KDM4C: variants seen among roughly 807,000 people sequenced by gnomAD.
The protein encoded by KDM4C is lysine-specific demethylase 4C.
In KDM4C, 81 loss-of-function variants were observed where a neutral mutation model predicts 129.3. The observed-to-expected ratio is 0.63, with a 90% confidence interval of 0.52 to 0.75. The LOEUF is 0.75. Among genes scored for constraint, KDM4C ranks in the 30% least tolerant of loss-of-function variants. The pLI is 0.00. For missense variants in KDM4C, 1,457 were observed against 1,304.0 expected, an observed-to-expected ratio of 1.12 and a Z score of -1.81; for synonymous variants, 573 against 456.1, an observed-to-expected ratio of 1.26 and a Z score of -3.26.
At chr9:6,913,721 C>G (rs1006872443) in intron 8 of KDM4C, among the ~76,000 whole-genome samples, 1 of 152,166 alleles carries the variant, frequency 6.6e-6, no homozygotes, top group African/African-American at 2.4e-5. Flanking sequence ...AGTTTCTACT[C>G]TATTATGATA....
At chr9:7,040,183 A>G (rs1473446938) in intron 15 of KDM4C, among the ~76,000 whole-genome samples, 1 of 152,026 alleles carries the variant, frequency 6.6e-6, no homozygotes, top group African/African-American at 2.4e-5. Context: ...CTTCCCTTTG[A>G]TTTGTGGTCT....
rs185238899 is a variant in KDM4C, at chr9:6,793,459, A to C, written c.144+327A>C. 3.8e-3 allele frequency among the ~76,000 whole-genome samples: 570 copies of C among 151,990 alleles called. 6 individuals are homozygous for C. The highest frequency in any genetic ancestry group is 0.013 in the African/African-American group (536 of 41,524). ...AGTTTTTGTCAGTTTTTTTGTAGAC[A>C]ACAATTATTAACCTGAAGGTTAACC... On this transcript the variant is annotated intron_variant, in intron 2 of 21. Transcript: ENST00000381309.
At chr9:7,065,951 T>G (rs950960256) in intron 17 of KDM4C, among the ~76,000 whole-genome samples, 2 of 151,526 alleles carry the variant, frequency 1.3e-5, no homozygotes, top group Non-Finnish European at 2.9e-5. Flanking sequence ...CAGTTCTATA[T>G]TTGACACCTG....
intron 8 of KDM4C, among the ~76,000 whole-genome samples, chr9:6,918,768 A>AGC (rs1820792288): frequency 6.6e-6 from 1 of 151,992 alleles, no homozygotes; most frequent in African/African-American, 2.4e-5. Flanking sequence ...TTCTCTAATG[A>AGC]TTAGTGATGT....
At chr9:7,155,933 T>C (rs1233509457) in intron 19 of KDM4C, among the ~76,000 whole-genome samples, 4 of 152,222 alleles carry the variant, frequency 2.6e-5, no homozygotes, top group African/African-American at 9.6e-5. Context: ...GCAATCGCCA[T>C]ACTGTCTTCC....
intron 4 of KDM4C, among the ~76,000 whole-genome samples, chr9:6,826,551 C>A (rs565525816): frequency 6.8e-4 from 104 of 152,214 alleles, no homozygotes; most frequent in African/African-American, 2.4e-3. Context: ...GATAGATGTT[C>A]TTCAACAAGA....
chr9:6,939,202 A>G (rs1467765213), intron 8 of KDM4C, among the ~76,000 whole-genome samples: 1 of 151,872 alleles, frequency 6.6e-6, no homozygotes, highest in Non-Finnish European at 1.5e-5. Context: ...TTACTGCCTG[A>G]GCTCCACCTC....
chr9:7,108,096 G>A (rs1837902989), intron 18 of KDM4C, among the ~76,000 whole-genome samples: 1 of 152,118 alleles, frequency 6.6e-6, no homozygotes, highest in African/African-American at 2.4e-5. Flanking sequence ...TGGGTAGGGT[G>A]GCTTCTGTTT....
chr9:7,002,804 C>T (rs548938291), intron 12 of KDM4C, among the ~76,000 whole-genome samples: 4 of 152,320 alleles, frequency 2.6e-5, no homozygotes, highest in African/African-American at 4.8e-5. Context: ...GATCACAAAG[C>T]TAGTAAGTGG....
Position 7,166,834 on chromosome 9 carries a change from A to G in KDM4C, c.2901+1477A>G, listed in dbSNP as rs562189941. Among the ~76,000 whole-genome samples, 7 of 152,322 alleles carry G rather than the reference A, an allele frequency of 4.6e-5. No homozygotes were observed. In the South Asian group the frequency reaches 1.5e-3, roughly 32 times the overall value. ...TATGATGGTCTATCAACATAAAACTATGAGCATATTTATAGACTCAATGAA... is the reference window on the plus strand; with the variant it reads ...TATGATGGTCTATCAACATAAAACTGTGAGCATATTTATAGACTCAATGAA... On this transcript the variant is annotated intron_variant, in intron 20 of 21. Coordinates refer to ENST00000381309, the MANE Select transcript of KDM4C (RefSeq NM_015061.6).
intron 8 of KDM4C, among the ~76,000 whole-genome samples, chr9:6,946,524 A>G (rs192566834): frequency 6.6e-6 from 1 of 152,168 alleles, no homozygotes; most frequent in East Asian, 1.9e-4. Flanking sequence ...TTTGTATGCC[A>G]TGCAGATTTT....
intron 17 of KDM4C, among the ~76,000 whole-genome samples, chr9:7,072,535 T>G (rs909033902): frequency 2.9e-4 from 44 of 152,200 alleles, no homozygotes; most frequent in Admixed American, 9.2e-4. Flanking sequence ...GGCTCCGTAC[T>G]GTTGAATTCA....
At chr9:6,835,495 C>A in intron 4 of KDM4C, 2 of 1,508,818 alleles carry the variant, frequency 1.3e-6, no homozygotes, top group Non-Finnish European at 1.8e-6. Context: ...CCTGGCCTCG[C>A]TGTCCACCTT....
intron 4 of KDM4C, among the ~76,000 whole-genome samples, chr9:6,826,258 G>A (rs1833851393): frequency 6.7e-6 from 1 of 148,706 alleles, no homozygotes; most frequent in Non-Finnish European, 1.5e-5. Context: ...TAGTTTTCTT[G>A]ATAATCTATA....
At chr9:7,040,281 TTC>T (rs949976710) in intron 15 of KDM4C, among the ~76,000 whole-genome samples, 2 of 151,678 alleles carry the variant, frequency 1.3e-5, no homozygotes, top group South Asian at 2.1e-4. Flanking sequence ...AATTTGTTCA[TTC>T]TCTCTTTCCC....
chr9:6,986,295 G>T, intron 10 of KDM4C, 49 bp from the exon 11 acceptor site: 1 of 1,285,304 alleles, frequency 7.8e-7, no homozygotes, highest in Non-Finnish European at 1.1e-6. Context: ...ATTCTACTTA[G>T]TAGTAATACA....
intron 4 of KDM4C, among the ~76,000 whole-genome samples, chr9:6,821,098 A>G (rs992163697): frequency 4.6e-5 from 7 of 152,016 alleles, no homozygotes; most frequent in African/African-American, 1.2e-4. Context: ...TATGTGCCAC[A>G]TTTTCTTAAT....
chr9:6,737,663 T>TG (rs1817568238), intron 1 of KDM4C, among the ~76,000 whole-genome samples: 1 of 28,110 alleles, frequency 3.6e-5, no homozygotes, highest in Non-Finnish European at 6.6e-5. Context: ...AGACTTCATC[T>TG]CAAAAAAAAA....
At chr9:6,817,736 C>T (rs1430217847) in intron 4 of KDM4C, among the ~76,000 whole-genome samples, 1 of 149,070 alleles carries the variant, frequency 6.7e-6, no homozygotes, top group East Asian at 2.0e-4. Context: ...TAAAAAATTG[C>T]TCATAAGGTT....
Sources: allele counts gnomAD v4.1 joint callset (sites outside exome capture counted in the v4.1 genomes callset), GRCh38; gene constraint gnomAD v4.1.1; transcripts MANE v1.5; gene names NCBI Gene and HGNC (gene_info 2026-07-23, HGNC 2026-07-21).